SUFU: variants seen among roughly 807,000 people sequenced by gnomAD.
SUFU encodes the protein SUFU negative regulator of hedgehog signaling.
A neutral mutation model predicts 58.9 loss-of-function variants in SUFU; 7 were observed. That is an observed-to-expected ratio of 0.12 (90% CI 0.07 to 0.22). SUFU has a LOEUF of 0.22. SUFU is among the 10% of genes least tolerant of loss of function. The probability of loss-of-function intolerance (pLI) is 1.00; values close to 1 mark genes in which losing one functional copy is unlikely to be tolerated. For missense variants in SUFU, 451 were observed against 641.3 expected, an observed-to-expected ratio of 0.70 and a Z score of 3.20; for synonymous variants, 232 against 254.8, an observed-to-expected ratio of 0.91 and a Z score of 0.85.
intron 10 of SUFU, among the ~76,000 whole-genome samples, chr10:102,623,822 C>T (rs2063763054): frequency 6.6e-6 from 1 of 152,176 alleles, no homozygotes. Context: ...CACCTGTAAT[C>T]CCAGCTACTC....
At position 102,504,186 on chromosome 10, in the gene SUFU, C is replaced by T; in HGVS notation, c.34C>T (p.Pro12Ser). The change falls in exon 1 of 12, where the codon CCC becomes TCC. Residue 12 changes from proline to serine, a missense_variant. Physicochemically the swap from Pro to Ser is moderately conservative, Grantham distance 74 (BLOSUM62 -1). Transcript: ENST00000369902. ...GCTGCGGCCTAGCGGCGCCCCCGGC[C>T]CCACCGCGCCCCCGGCCCCTGGCCC... is the stretch of plus-strand genomic sequence containing the variant. ...AELRPSGAPG[P>S]TAPPAPGPTA... 1 of 1,552,362 alleles carries T rather than the reference C, an allele frequency of 6.4e-7. No homozygotes were observed. The highest frequency in any genetic ancestry group is 8.7e-7 in the Non-Finnish European group (1 of 1,150,170).
In SUFU at chr10:102,630,473, C is replaced by T. The variant is rs1365095855; in HGVS notation, c.*318C>T. On this transcript the variant is annotated 3_prime_UTR_variant, in exon 12 of 12. Coordinates refer to ENST00000369902, the MANE Select transcript of SUFU (RefSeq NM_016169.4). ...TTTGACTCTGGACCCTGGCTGTGCCCCTAGGTGGAGACAGCCCTCTTTCTC... is the reference window on the plus strand; with the variant it reads ...TTTGACTCTGGACCCTGGCTGTGCCTCTAGGTGGAGACAGCCCTCTTTCTC... The T allele has an allele frequency of 2.1e-6, 1 of 468,070 alleles. No homozygotes were observed. Among genetic ancestry groups the T allele is most frequent in the South Asian group, 2.1e-5 (1 of 48,168 alleles). 29.0% of individuals were successfully genotyped at this position (468,070 alleles called of 1,614,324 possible).
At chr10:102,564,966 G>A (rs940992243) in intron 3 of SUFU, among the ~76,000 whole-genome samples, 1 of 152,200 alleles carries the variant, frequency 6.6e-6, no homozygotes, top group African/African-American at 2.4e-5. Flanking sequence ...TCAGAAATGA[G>A]TTTGTGCCCT....
At chr10:102,579,760 A>G (rs1479396637) in intron 3 of SUFU, 1 of 949,036 alleles carries the variant, frequency 1.1e-6, no homozygotes, top group African/African-American at 1.8e-5. Context: ...ATTTAGCCAA[A>G]TTAATATCAG....
intron 8 of SUFU, among the ~76,000 whole-genome samples, chr10:102,602,932 G>C (rs1297199842): frequency 6.6e-6 from 1 of 152,178 alleles, no homozygotes; most frequent in African/African-American, 2.4e-5. Flanking sequence ...CCCACTGCCT[G>C]CTCGGGTGAG....
intron 2 of SUFU, among the ~76,000 whole-genome samples, chr10:102,547,806 C>T (rs754789304): frequency 3.4e-4 from 51 of 149,978 alleles, no homozygotes; most frequent in African/African-American, 7.9e-4. Context: ...GATGCTGTCT[C>T]GGAAAGAAAG....
At chr10:102,529,873 A>G (rs1309445275) in intron 2 of SUFU, among the ~76,000 whole-genome samples, 2 of 150,948 alleles carry the variant, frequency 1.3e-5, no homozygotes, top group Non-Finnish European at 2.9e-5. Flanking sequence ...TGAACCCGGG[A>G]GGCAGAGGTT....
intron 2 of SUFU, among the ~76,000 whole-genome samples, chr10:102,512,849 A>G (rs941528543): frequency 1.3e-5 from 2 of 152,120 alleles, no homozygotes; most frequent in Non-Finnish European, 2.9e-5. Context: ...GGATCGCTTG[A>G]GCCCAGGAGT....
At chr10:102,554,671 A>G (rs1192773470) in intron 3 of SUFU, among the ~76,000 whole-genome samples, 1 of 151,842 alleles carries the variant, frequency 6.6e-6, no homozygotes, top group Non-Finnish European at 1.5e-5. Context: ...CCGCATCCCC[A>G]CTCCTCTTGC....
At chr10:102,524,254 T>C (rs1407163987) in intron 2 of SUFU, among the ~76,000 whole-genome samples, 1 of 151,570 alleles carries the variant, frequency 6.6e-6, no homozygotes, top group African/African-American at 2.4e-5. Flanking sequence ...GATCCTTCTG[T>C]CTTGCCTCCT....
chr10:102,633,231 C>T lies in SUFU; in HGVS notation c.*3076C>T. On this transcript the variant is annotated 3_prime_UTR_variant, in exon 12 of 12. Coordinates refer to ENST00000369902, the MANE Select transcript of SUFU (RefSeq NM_016169.4). The stretch of plus-strand genomic sequence containing the variant: ...CTGGGTCCCTGTTACAAGTCAGGAG[C>T]CCTGTAGGGAGACCCCTCCTTTTGT... The T allele has an allele frequency of 4.3e-6, 1 of 233,118 alleles. No individual in the cohort carries two copies. Among genetic ancestry groups the T allele is most frequent in the African/African-American group, 2.2e-5 (1 of 45,408 alleles). 14.4% of individuals were successfully genotyped at this position (233,118 alleles called of 1,614,324 possible). A position where few individuals can be genotyped will look rare whatever the true frequency, so the allele number is the denominator to read the frequency against.
intron 2 of SUFU, among the ~76,000 whole-genome samples, chr10:102,514,572 G>C (rs11598092): frequency 0.24 from 35,941 of 152,124 alleles, 4,666 homozygotes; most frequent in South Asian, 0.34. Flanking sequence ...GAACCCCAAG[G>C]CTGCTCCCAA....
chr10:102,588,326 G>A (rs1324039173), intron 3 of SUFU, among the ~76,000 whole-genome samples: 5 of 151,182 alleles, frequency 3.3e-5, no homozygotes, highest in Admixed American at 3.3e-4. Flanking sequence ...CTGGGAGGTG[G>A]AGTTGGCAGT....
chr10:102,627,281 C>G (rs767531629), intron 11 of SUFU, 38 bp downstream of exon 11: 5 of 1,560,668 alleles, frequency 3.2e-6, no homozygotes, highest in Middle Eastern at 1.7e-4. Context: ...CAGGTCCCGT[C>G]TCTGGGACCA....
At position 102,577,083 on chromosome 10, in the gene SUFU, TTC is replaced by T. The variant is rs1564689689; in HGVS notation, c.455-15497_455-15496del. ...AGAAGCATGTCCTGGATTTTTTCTT[TTC>T]TTTTTTTTTTTTTTTTGAGATGGAG... On this transcript the variant is annotated intron_variant, in intron 3 of 11. Transcript: ENST00000369902. Among the ~76,000 whole-genome samples, 20 of 118,292 alleles carry T rather than the reference TTC, an allele frequency of 1.7e-4. 7 individuals are homozygous for T. The highest frequency in any genetic ancestry group is 1.6e-4 in the Non-Finnish European group (9 of 55,602). The allele number at this position is 118,292 out of a possible 152,430, so 77.6% of individuals were successfully genotyped here. A position where few individuals can be genotyped will look rare whatever the true frequency, so the allele number is the denominator to read the frequency against.
chr10:102,590,613 T>A (rs763337181), intron 3 of SUFU, among the ~76,000 whole-genome samples: 2 of 152,214 alleles, frequency 1.3e-5, no homozygotes, highest in East Asian at 3.8e-4. Context: ...ACTGGTTTCA[T>A]AGAATGAATT....
intron 2 of SUFU, among the ~76,000 whole-genome samples, chr10:102,545,573 A>G (rs150490175): frequency 7.6e-4 from 116 of 152,326 alleles, no homozygotes; most frequent in African/African-American, 2.6e-3. Context: ...ATGATGTGCA[A>G]GTATTCCTAT....
intron 8 of SUFU, among the ~76,000 whole-genome samples, chr10:102,609,110 A>C (rs1012218789): frequency 2.0e-5 from 3 of 152,236 alleles, no homozygotes; most frequent in African/African-American, 7.2e-5. Context: ...GTTTTATCTC[A>C]GCTCTTTACT....
intron 8 of SUFU, among the ~76,000 whole-genome samples, chr10:102,614,806 G>A (rs1444496561): frequency 6.6e-6 from 1 of 151,982 alleles, no homozygotes; most frequent in Non-Finnish European, 1.5e-5. Flanking sequence ...AACCCAGGAG[G>A]CGGAGGTTGC....
Sources: gnomAD v4.1 joint callset for allele counts (sites outside exome capture counted in the v4.1 genomes callset) on GRCh38, gnomAD v4.1.1 for gene constraint, MANE v1.5 for transcripts, NCBI Gene and HGNC (gene_info 2026-07-23, HGNC 2026-07-21) for gene names.